HTR2A: variants seen among roughly 807,000 people sequenced by gnomAD.
HTR2A encodes 5-hydroxytryptamine receptor 2A.
Under a neutral mutation model 31.0 loss-of-function variants are expected in HTR2A, and 14 were observed. The ratio of observed to expected loss-of-function variants is 0.45; its 90% CI spans 0.30 to 0.71. The LOEUF (loss-of-function observed/expected upper bound fraction) is 0.71. Among genes scored for constraint, HTR2A ranks in the 30% least tolerant of loss-of-function variants. The pLI is 0.09. For synonymous variants in HTR2A, 209 were observed against 225.2 expected (o/e 0.93, Z 0.64); for missense variants, 442 against 573.3 (o/e 0.77, Z 2.34).
At chr13:46,857,092 G>C (rs566134996) in intron 3 of HTR2A, among the ~76,000 whole-genome samples, 1 of 152,172 alleles carries the variant, frequency 6.6e-6, no homozygotes, top group South Asian at 2.1e-4. Flanking sequence ...ATGAGGTCAA[G>C]AGATAGAGAC....
chr13:46,896,177 T>A lies in HTR2A; in HGVS notation c.-271A>T. On this transcript the variant is annotated 5_prime_UTR_variant, in exon 2 of 4. Transcript: ENST00000542664. ...CCAAACCGAGGACAAAAAAGCAGAA[T>A]GAACTTTTAGCATAGAGGTTGCAGG... 2 of 1,203,836 alleles carry A rather than the reference T, an allele frequency of 1.7e-6. No individual in the cohort carries two copies. The highest frequency in any genetic ancestry group is 2.1e-6 in the Non-Finnish European group (2 of 970,542). The allele number at this position is 1,203,836 out of a possible 1,614,324, so 74.6% of individuals were successfully genotyped here. A position where few individuals can be genotyped will look rare whatever the true frequency, so the allele number is the denominator to read the frequency against.
chr13:46,890,130 G>C (rs1951040866), intron 3 of HTR2A, among the ~76,000 whole-genome samples: 3 of 152,172 alleles, frequency 2.0e-5, no homozygotes, highest in Admixed American at 2.0e-4. Flanking sequence ...GATCACCTGA[G>C]GTCGGGAGTT....
At chr13:46,856,995 T>C (rs1225573590) in intron 3 of HTR2A, among the ~76,000 whole-genome samples, 1 of 152,062 alleles carries the variant, frequency 6.6e-6, no homozygotes, top group Non-Finnish European at 1.5e-5. Flanking sequence ...CCTAGGTGGC[T>C]TGTAAACAAT....
chr13:46,851,679 C>A (rs977759505), intron 3 of HTR2A, among the ~76,000 whole-genome samples: 3 of 152,164 alleles, frequency 2.0e-5, no homozygotes, highest in Non-Finnish European at 4.4e-5. Flanking sequence ...GTGGATCCAG[C>A]CAAATAAGCT....
intron 3 of HTR2A, among the ~76,000 whole-genome samples, chr13:46,881,570 T>A (rs1175271529): frequency 5.3e-5 from 8 of 152,210 alleles, no homozygotes; most frequent in Admixed American, 1.3e-4. Flanking sequence ...CAAAGGAGAC[T>A]TGGACTAATT....
At chr13:46,872,668 G>A (rs1950871951) in intron 3 of HTR2A, among the ~76,000 whole-genome samples, 1 of 152,120 alleles carries the variant, frequency 6.6e-6, no homozygotes, top group African/African-American at 2.4e-5. Flanking sequence ...AATACCTTGT[G>A]TCTCTGTTAG....
At chr13:46,879,687 A>T (rs1950945875) in intron 3 of HTR2A, among the ~76,000 whole-genome samples, 1 of 152,184 alleles carries the variant, frequency 6.6e-6, no homozygotes, top group African/African-American at 2.4e-5. Context: ...CAAAGGCTGT[A>T]AAAAGGACCT....
At chr13:46,865,157 AC>A (rs1385285005) in intron 3 of HTR2A, among the ~76,000 whole-genome samples, 4 of 152,080 alleles carry the variant, frequency 2.6e-5, no homozygotes, top group African/African-American at 9.7e-5. Flanking sequence ...ATGTTTTGCC[AC>A]CCTTCCTCAC....
chr13:46,883,356 AT>A (rs1369322516), intron 3 of HTR2A, among the ~76,000 whole-genome samples: 2 of 151,792 alleles, frequency 1.3e-5, no homozygotes, highest in African/African-American at 4.8e-5. Flanking sequence ...TACAAAAGTA[AT>A]AATGCAGAAA....
chr13:46,836,352 T>A (rs563080376), intron 3 of HTR2A, among the ~76,000 whole-genome samples: 18 of 152,258 alleles, frequency 1.2e-4, no homozygotes, highest in African/African-American at 3.4e-4. Context: ...GCAACCATAA[T>A]TTACATTTGC....
At chr13:46,865,753 A>ATT (rs1950813989) in intron 3 of HTR2A, among the ~76,000 whole-genome samples, 1 of 152,260 alleles carries the variant, frequency 6.6e-6, no homozygotes, top group Admixed American at 6.5e-5. Flanking sequence ...CTATTGGACA[A>ATT]CACAGAACTA....
At chr13:46,888,397 A>C (rs922127721) in intron 3 of HTR2A, among the ~76,000 whole-genome samples, 8 of 152,172 alleles carry the variant, frequency 5.3e-5, no homozygotes, top group African/African-American at 1.4e-4. Context: ...GAATAAAAAT[A>C]AGACTGACAG....
intron 3 of HTR2A, among the ~76,000 whole-genome samples, chr13:46,876,448 C>T (rs868125269): frequency 1.5e-4 from 19 of 124,614 alleles, no homozygotes; most frequent in African/African-American, 5.1e-4. Flanking sequence ...CTTGCTCTGT[C>T]GCACAGGCTG....
At chr13:46,843,500 A>G (rs1419430695) in intron 3 of HTR2A, among the ~76,000 whole-genome samples, 2 of 152,152 alleles carry the variant, frequency 1.3e-5, no homozygotes, top group East Asian at 3.9e-4. Context: ...GCAGCAGCAC[A>G]AAGACGCATA....
intron 3 of HTR2A, among the ~76,000 whole-genome samples, chr13:46,848,300 A>T (rs1950658769): frequency 6.6e-6 from 1 of 152,234 alleles, no homozygotes; most frequent in South Asian, 2.1e-4. Context: ...TTGCAGAAAG[A>T]TGCACTGAGT....
intron 3 of HTR2A, among the ~76,000 whole-genome samples, chr13:46,844,817 G>C (rs1950628389): frequency 6.6e-6 from 1 of 152,172 alleles, no homozygotes; most frequent in Non-Finnish European, 1.5e-5. Context: ...CCATCTGTAA[G>C]GTGGAGATAA....
intron 3 of HTR2A, among the ~76,000 whole-genome samples, chr13:46,875,927 G>C (rs1950906024): frequency 6.6e-6 from 1 of 152,180 alleles, no homozygotes; most frequent in Non-Finnish European, 1.5e-5. Context: ...AAGAGATACT[G>C]AAAAAGATGA....
chr13:46,876,199 C>G (rs1180432974), intron 3 of HTR2A, among the ~76,000 whole-genome samples: 1 of 152,012 alleles, frequency 6.6e-6, no homozygotes, highest in Non-Finnish European at 1.5e-5. Flanking sequence ...TCCATTTCTA[C>G]TGTTGAAATT....
At chr13:46,835,908 T>G (rs1021924256) in intron 3 of HTR2A, among the ~76,000 whole-genome samples, 1 of 152,246 alleles carries the variant, frequency 6.6e-6, no homozygotes, top group East Asian at 1.9e-4. Flanking sequence ...CACATTTTTC[T>G]GATTATAATA....
Sources: allele counts gnomAD v4.1 joint callset (sites outside exome capture counted in the v4.1 genomes callset), GRCh38; gene constraint gnomAD v4.1.1; transcripts MANE v1.5; gene names NCBI Gene and HGNC (gene_info 2026-07-23, HGNC 2026-07-21).